ANKRD30A: variants seen among roughly 807,000 people sequenced by gnomAD.
The protein encoded by ANKRD30A is ankyrin repeat domain 30A.
Under a neutral mutation model 166.3 loss-of-function variants are expected in ANKRD30A, and 170 were observed. The ratio of observed to expected loss-of-function variants is 1.02; its 90% CI spans 0.90 to 1.16. The LOEUF (loss-of-function observed/expected upper bound fraction) is 1.16. ANKRD30A is among the 50% of genes most tolerant of loss of function. ANKRD30A has a pLI of 0.00. For synonymous variants in ANKRD30A, 564 were observed against 508.9 expected (o/e 1.11, Z -1.46); for missense variants, 1,630 against 1,518.0 (o/e 1.07, Z -1.23).
the ANKRD30A span, chr10:37,264,431 G>T: frequency 5.7e-6 from 1 of 174,542 alleles, no homozygotes. Context: ...TCCATAAGAA[G>T]AGGTAGCTAG....
intron 34 of ANKRD30A, among the ~76,000 whole-genome samples, chr10:37,227,729 C>A (rs1382627322): frequency 1.3e-5 from 2 of 151,928 alleles, no homozygotes; most frequent in Non-Finnish European, 2.9e-5. Flanking sequence ...AACCTTTAGT[C>A]TCTCATTGAC....
intron 1 of ANKRD30A, among the ~76,000 whole-genome samples, chr10:37,128,415 C>A (rs2132502687): frequency 6.6e-6 from 1 of 151,946 alleles, no homozygotes; most frequent in South Asian, 2.1e-4. Flanking sequence ...GAACTTTTAG[C>A]ATCTTCAGAA....
chr10:37,160,700 T>C (rs1838783012), intron 15 of ANKRD30A, among the ~76,000 whole-genome samples: 1 of 152,210 alleles, frequency 6.6e-6, no homozygotes, highest in South Asian at 2.1e-4. Flanking sequence ...CTCATGGCAC[T>C]GTGCTCTCTT....
At chr10:37,193,681 GT>G (rs965766470) in intron 27 of ANKRD30A, among the ~76,000 whole-genome samples, 177 of 148,752 alleles carry the variant, frequency 1.2e-3, no homozygotes, top group South Asian at 5.1e-3. Context: ...AAGAAAATCA[GT>G]TTTTTTTTTA....
chr10:37,198,395 A>G lies in ANKRD30A; in HGVS notation c.2716+915A>G, dbSNP rs189198152. Among the ~76,000 whole-genome samples the G allele has an allele frequency of 1.6e-4, 25 of 152,242 alleles. No homozygotes were observed. In the East Asian group the frequency reaches 3.1e-3, roughly 19 times the overall value. On this transcript the variant is annotated intron_variant, in intron 29 of 35. Coordinates refer to ENST00000361713, the MANE Select transcript of ANKRD30A (RefSeq NM_052997.3). ...TTATAAAATTCCATTTTATGACAGT[A>G]CCATAGTTAACTGCACAATTTTTAT...
chr10:37,257,977 G>T, the ANKRD30A span, among the ~76,000 whole-genome samples: 2 of 152,282 alleles, frequency 1.3e-5, no homozygotes, highest in East Asian at 3.9e-4. Flanking sequence ...GGTTGGAGGG[G>T]AAGGGAAGGG....
At chr10:37,157,774 C>G (rs544802911) in intron 13 of ANKRD30A, among the ~76,000 whole-genome samples, 2 of 152,178 alleles carry the variant, frequency 1.3e-5, no homozygotes, top group South Asian at 4.1e-4. Flanking sequence ...TGAAAATACT[C>G]GTATTTCACA....
the ANKRD30A span, among the ~76,000 whole-genome samples, chr10:37,262,720 A>G: frequency 3.3e-5 from 5 of 152,192 alleles, no homozygotes; most frequent in Admixed American, 1.3e-4. Context: ...TTGGTGATTT[A>G]TTTGCTTGGC....
rs577761237 is a variant in ANKRD30A, at chr10:37,165,150, A to G, written c.2059A>G (p.Thr687Ala). ...GGACTATGAAGAAAATTCTTGGGATACTGAGGTACTGTGTGTTGTTGATTT... is the reference window on the plus strand; with the variant it reads ...GGACTATGAAGAAAATTCTTGGGATGCTGAGGTACTGTGTGTTGTTGATTT... ...QKDYEENSWD[T>A]ESLCETVSQK... Residue 687 changes from threonine (T) to alanine (A), a missense_variant, in exon 18 of 36, where the codon ACT (threonine) becomes GCT (alanine). Around this residue, in one of 4 missense-constraint regions of ANKRD30A, gnomAD observed 904 missense variants for 818.5 expected, o/e 1.10. Coordinates refer to ENST00000361713, the MANE Select transcript of ANKRD30A (RefSeq NM_052997.3). 7.5e-6 allele frequency: 12 copies of G among 1,606,728 alleles called. No individual in the cohort carries two copies. Among genetic ancestry groups the G allele is most frequent in the Non-Finnish European group, 8.5e-6 (10 of 1,173,818 alleles).
chr10:37,195,765 G>A (rs1181347899), intron 27 of ANKRD30A, among the ~76,000 whole-genome samples: 1 of 152,170 alleles, frequency 6.6e-6, no homozygotes, highest in African/African-American at 2.4e-5. Context: ...GTGGTGGCAC[G>A]CATTTCTAAT....
At chr10:37,248,548 T>C in the ANKRD30A span, among the ~76,000 whole-genome samples, 1 of 152,174 alleles carries the variant, frequency 6.6e-6, no homozygotes, top group Non-Finnish European at 1.5e-5. Context: ...CAAGATCCGC[T>C]GTGGAAGACT....
chr10:37,213,213 C>T (rs1293048536), intron 31 of ANKRD30A, among the ~76,000 whole-genome samples: 1 of 151,792 alleles, frequency 6.6e-6, no homozygotes, highest in African/African-American at 2.4e-5. Flanking sequence ...GAATTCTCAC[C>T]ATTGTGGAAG....
chr10:37,191,579 A>G (rs1394313050), intron 25 of ANKRD30A, among the ~76,000 whole-genome samples: 1 of 152,084 alleles, frequency 6.6e-6, no homozygotes, highest in Non-Finnish European at 1.5e-5. Context: ...CTTATCAGTC[A>G]GCATATACAT....
intron 1 of ANKRD30A, 73 bp from the exon 2 acceptor site, chr10:37,129,820 A>G: frequency 1.2e-6 from 1 of 810,026 alleles, no homozygotes; most frequent in Admixed American, 3.7e-5. Flanking sequence ...TTTAATGTTT[A>G]CAGTTACATA....
intron 34 of ANKRD30A, among the ~76,000 whole-genome samples, chr10:37,224,666 T>A (rs927318825): frequency 6.6e-6 from 1 of 151,494 alleles, no homozygotes; most frequent in Non-Finnish European, 1.5e-5. Context: ...TGTTCTCTGA[T>A]TCCAATTAAT....
Position 37,166,815 on chromosome 10 carries a change from A to T in ANKRD30A, c.2155+120A>T, listed in dbSNP as rs537676747. ...CTAAATGCAAACCATGGAAAAAAAGAGAAGTGCAATGGTCATAAGTTATGT... is the reference window on the plus strand; with the variant it reads ...CTAAATGCAAACCATGGAAAAAAAGTGAAGTGCAATGGTCATAAGTTATGT... On this transcript the variant is annotated intron_variant, in intron 19 of 35. Coordinates refer to ENST00000361713, the MANE Select transcript of ANKRD30A (RefSeq NM_052997.3). The T allele has an allele frequency of 1.3e-3, 1,881 of 1,413,170 alleles. 3 individuals carry two copies. Among genetic ancestry groups the T allele is most frequent in the Non-Finnish European group, 1.5e-3 (1,541 of 1,050,260 alleles). The allele number at this position is 1,413,170 out of a possible 1,614,324, so 87.5% of individuals were successfully genotyped here.
rs762823518 is a variant in ANKRD30A at position 37,130,286 on chromosome 10, A to C, written c.418A>C (p.Asn140His). Residue 140 changes from asparagine (N) to histidine (H), a missense_variant, in exon 3 of 36, where the codon AAC becomes CAC. Asn to His is a moderately conservative substitution (Grantham distance 68, BLOSUM62 1). This residue lies in a region of ANKRD30A where 904 missense variants were observed against 818.5 expected (regional missense o/e 1.10). Transcript: ENST00000361713. ...ADINLVDVYG[N>H]TALHYAVYSE... ...TATAAATCTCGTAGATGTGTATGGC[A>C]ACACGGCTCTCCATTATGCTGTTTA... 3 of 1,606,058 alleles carry C rather than the reference A, an allele frequency of 1.9e-6. No homozygotes were observed. The highest frequency in any genetic ancestry group is 1.3e-5 in the African/African-American group (1 of 74,232).
At chr10:37,138,188 T>A (rs1836849834) in intron 6 of ANKRD30A, among the ~76,000 whole-genome samples, 1 of 152,000 alleles carries the variant, frequency 6.6e-6, no homozygotes, top group Non-Finnish European at 1.5e-5. Context: ...GAAGGAAAAC[T>A]AACAAACAGA....
chr10:37,154,683 A>C (rs559392609), intron 13 of ANKRD30A, among the ~76,000 whole-genome samples: 2 of 152,324 alleles, frequency 1.3e-5, no homozygotes, highest in East Asian at 3.9e-4. Flanking sequence ...TTGCTAAAGC[A>C]GAGAGATTGT....
Sources: gnomAD v4.1 joint callset for allele counts (sites outside exome capture counted in the v4.1 genomes callset) on GRCh38, gnomAD v4.1.1 for gene constraint, gnomAD v4.1.1 regional missense constraint, MANE v1.5 for transcripts, NCBI Gene and HGNC (gene_info 2026-07-23, HGNC 2026-07-21) for gene names.